ERBB4: variants seen among roughly 807,000 people sequenced by gnomAD.
The protein encoded by ERBB4 is receptor tyrosine-protein kinase erbB-4.
ERBB4 carries 42 observed loss-of-function variants against 158.0 expected under a neutral mutation model. The ratio of observed to expected loss-of-function variants is 0.27; its 90% confidence interval spans 0.21 to 0.34. The LOEUF is 0.34. Ranked by LOEUF, ERBB4 falls within the 10% of genes least tolerant of loss-of-function variation. The pLI is 1.00. For synonymous variants in ERBB4, 583 were observed against 558.7 expected, an observed-to-expected ratio of 1.04 and a Z score of -0.61; for missense variants, 1,333 against 1,624.1, an observed-to-expected ratio of 0.82 and a Z score of 3.08.
chr2:211,782,530 T>G (rs2106304445), intron 4 of ERBB4, among the ~76,000 whole-genome samples: 1 of 152,292 alleles, frequency 6.6e-6, no homozygotes, highest in African/African-American at 2.4e-5. Context: ...TAAGGTCAAA[T>G]TGCTGGTAAG....
intron 1 of ERBB4, among the ~76,000 whole-genome samples, chr2:212,216,083 G>T (rs2083090043): frequency 6.6e-6 from 1 of 151,420 alleles, no homozygotes; most frequent in East Asian, 1.9e-4. Flanking sequence ...CAAAATACTT[G>T]CGTTGTAAGT....
intron 17 of ERBB4, among the ~76,000 whole-genome samples, chr2:211,625,058 AC>A: frequency 6.6e-6 from 1 of 151,948 alleles, no homozygotes; most frequent in South Asian, 2.1e-4. Context: ...CGTGCCAATC[AC>A]TGGCATATGT....
intron 1 of ERBB4, among the ~76,000 whole-genome samples, chr2:212,385,416 A>G (rs1381657104): frequency 2.0e-5 from 3 of 151,834 alleles, no homozygotes; most frequent in Non-Finnish European, 2.9e-5. Flanking sequence ...TCCTTTCTAA[A>G]TAAGCTGTGA....
chr2:211,956,353 C>T (rs998171680), intron 2 of ERBB4, among the ~76,000 whole-genome samples: 3 of 152,160 alleles, frequency 2.0e-5, no homozygotes, highest in South Asian at 2.1e-4. Context: ...TCGGCACTTT[C>T]GTACAACTGA....
At chr2:211,816,319 T>A (rs998863909) in intron 3 of ERBB4, among the ~76,000 whole-genome samples, 5 of 151,950 alleles carry the variant, frequency 3.3e-5, no homozygotes, top group African/African-American at 1.2e-4. Flanking sequence ...GGTGGGCAGA[T>A]CACTTGAGGT....
At chr2:212,182,252 C>T (rs1266970503) in intron 1 of ERBB4, among the ~76,000 whole-genome samples, 1 of 151,684 alleles carries the variant, frequency 6.6e-6, no homozygotes, top group Admixed American at 6.6e-5. Context: ...TACAAAGAAG[C>T]TAAATAACTT....
At chr2:211,612,195 A>G (rs1412921422) in intron 19 of ERBB4, among the ~76,000 whole-genome samples, 2 of 151,740 alleles carry the variant, frequency 1.3e-5, no homozygotes, top group African/African-American at 2.4e-5. Context: ...GGGCTGGTAT[A>G]GAGAGGATGT....
intron 3 of ERBB4, among the ~76,000 whole-genome samples, chr2:211,814,334 CCAAA>C (rs1422721760): frequency 6.6e-6 from 1 of 151,914 alleles, no homozygotes; most frequent in Non-Finnish European, 1.5e-5. Flanking sequence ...ACATTTTTGG[CCAAA>C]CAGTGAGAAG....
intron 1 of ERBB4, among the ~76,000 whole-genome samples, chr2:212,249,706 T>G (rs1476227530): frequency 6.6e-6 from 1 of 152,044 alleles, no homozygotes; most frequent in Non-Finnish European, 1.5e-5. Flanking sequence ...TTTCTCTATA[T>G]TTGTAAAATT....
intron 1 of ERBB4, among the ~76,000 whole-genome samples, chr2:212,279,956 T>C (rs1262577294): frequency 6.6e-6 from 1 of 151,608 alleles, no homozygotes; most frequent in African/African-American, 2.4e-5. Context: ...TTATTTATCC[T>C]AACAAAACTC....
rs974009905 is a variant in ERBB4 at position 211,669,006 on chromosome 2, T to A, written c.1717-3529A>T. 9.9e-5 allele frequency among the ~76,000 whole-genome samples: 15 copies of A among 152,004 alleles called. No homozygotes were observed. The East Asian group carries it at 2.3e-3, about 24-fold the overall frequency. On this transcript the variant is annotated intron_variant, in intron 14 of 27. Coordinates refer to ENST00000342788, the MANE Select transcript of ERBB4 (RefSeq NM_005235.3). The stretch of plus-strand genomic sequence containing the variant: ...GGGAGGCCTAGGTGGGCAGATCACT[T>A]GAGGCCAGCAGTTCAAGACCAACCT...
At chr2:211,430,494 C>T (rs1048514291) in intron 21 of ERBB4, among the ~76,000 whole-genome samples, 1 of 152,146 alleles carries the variant, frequency 6.6e-6, no homozygotes, top group African/African-American at 2.4e-5. Context: ...TGGCTCTGTT[C>T]AGGGTTCTTT....
intron 1 of ERBB4, among the ~76,000 whole-genome samples, chr2:212,282,147 A>G (rs2085781690): frequency 6.6e-6 from 1 of 151,866 alleles, no homozygotes; most frequent in African/African-American, 2.4e-5. Context: ...CAATTCTACC[A>G]TCTGGACTTT....
chr2:212,254,893 A>C (rs1029782418), intron 1 of ERBB4, among the ~76,000 whole-genome samples: 4 of 152,196 alleles, frequency 2.6e-5, no homozygotes, highest in African/African-American at 9.6e-5. Flanking sequence ...ACTTTGTTAT[A>C]GTGTGAGAGA....
rs1347446345 is a variant in ERBB4, at chr2:211,941,924, G to GCTTT, written c.421+5502_421+5505dup. Among the ~76,000 whole-genome samples the GCTTT allele has an allele frequency of 3.9e-5, 6 of 152,022 alleles. 1 individual carries two copies. Among genetic ancestry groups the GCTTT allele is most frequent in the South Asian group, 4.1e-4 (2 of 4,828 alleles). ...AGATGCTTTAATTGACAAGTTCCCT[G>GCTTT]CTTTCTTTCTTTAATGCTCATTACA... On this transcript the variant is annotated intron_variant, in intron 3 of 27. Coordinates refer to ENST00000342788, the MANE Select transcript of ERBB4 (RefSeq NM_005235.3).
At chr2:212,277,694 C>A (rs560433390) in intron 1 of ERBB4, among the ~76,000 whole-genome samples, 2 of 151,820 alleles carry the variant, frequency 1.3e-5, no homozygotes, top group South Asian at 4.1e-4. Flanking sequence ...GTATTGCCTG[C>A]ATGCTTATTA....
intron 2 of ERBB4, among the ~76,000 whole-genome samples, chr2:212,086,551 TATGA>T (rs1240729953): frequency 6.6e-6 from 1 of 152,032 alleles, no homozygotes; most frequent in Non-Finnish European, 1.5e-5. Flanking sequence ...TATTTAATTT[TATGA>T]ATGTGGTAAT....
rs2062611169 is a variant in ERBB4, at chr2:211,383,398, T to A, written c.*217A>T. 1.1e-5 allele frequency: 6 copies of A among 571,310 alleles called. No homozygotes were observed. The highest frequency in any genetic ancestry group is 1.6e-5 in the Non-Finnish European group (5 of 319,444). The allele number at this position is 571,310 out of a possible 1,614,324, so 35.4% of individuals were successfully genotyped here. On this transcript the variant is annotated 3_prime_UTR_variant, in exon 28 of 28. Transcript: ENST00000342788. The stretch of plus-strand genomic sequence containing the variant: ...CTCCTGACCAACCCATGCAGAGAAA[T>A]GAAGAAACATTGTGGTTCCTCCTAT...
intron 3 of ERBB4, among the ~76,000 whole-genome samples, chr2:211,875,107 T>C (rs1480109838): frequency 2.0e-5 from 3 of 150,740 alleles, no homozygotes; most frequent in Non-Finnish European, 4.4e-5. Context: ...TTTTTTTTTT[T>C]CCAAAGCAGA....
Sources: allele counts gnomAD v4.1 joint callset (sites outside exome capture counted in the v4.1 genomes callset), GRCh38; gene constraint gnomAD v4.1.1; transcripts MANE v1.5; gene names NCBI Gene and HGNC (gene_info 2026-07-23, HGNC 2026-07-21).